The following ASCC3 variants were observed in gnomAD, a reference collection of about 807,000 sequenced individuals.
ASCC3 encodes activating signal cointegrator 1 complex subunit 3.
A neutral mutation model predicts 256.3 loss-of-function variants in ASCC3; 158 were observed. The ratio of observed to expected loss-of-function variants is 0.62; its 90% confidence interval spans 0.54 to 0.70. The LOEUF (loss-of-function observed/expected upper bound fraction) is 0.70, where lower values mean the gene tolerates loss of function less well. Among genes scored for constraint, ASCC3 ranks in the 30% least tolerant of loss-of-function variants. ASCC3 has a pLI of 0.00. For missense variants in ASCC3, 2,259 were observed against 2,626.0 expected (o/e 0.86, Z 3.05); for synonymous variants, 948 against 883.4 (o/e 1.07, Z -1.30).
chr6:100,828,902 A>T (rs542562907), intron 4 of ASCC3, among the ~76,000 whole-genome samples: 1 of 152,022 alleles, frequency 6.6e-6, no homozygotes, highest in Admixed American at 6.5e-5. Flanking sequence ...ATCTGGCCCC[A>T]CCCACATCCT....
chr6:100,655,691 T>C lies in ASCC3; in HGVS notation c.2823+8A>G, dbSNP rs1775882305. Reference sequence around the variant, plus strand: ...CTGAATTTTTTTTTTAATAAATGAGTTTTCTACCTGATAAGCCTTGTGACT... The same window carrying C: ...CTGAATTTTTTTTTTAATAAATGAGCTTTCTACCTGATAAGCCTTGTGACT... On this transcript the variant is annotated splice_region_variant and intron_variant, in intron 17 of 41. Coordinates refer to ENST00000369162, the MANE Select transcript of ASCC3 (RefSeq NM_006828.4). 1.2e-6 allele frequency: 2 copies of C among 1,608,408 alleles called. No homozygotes were observed. The highest frequency in any genetic ancestry group is 1.7e-6 in the Non-Finnish European group (2 of 1,178,572).
intron 10 of ASCC3, among the ~76,000 whole-genome samples, chr6:100,758,328 T>C (rs1247452243): frequency 2.0e-5 from 3 of 152,070 alleles, no homozygotes; most frequent in Non-Finnish European, 4.4e-5. Flanking sequence ...GCCACGGTGG[T>C]TTCCTGCACC....
chr6:100,588,900 T>C (rs1383352292), intron 36 of ASCC3, among the ~76,000 whole-genome samples: 1 of 152,100 alleles, frequency 6.6e-6, no homozygotes, highest in Non-Finnish European at 1.5e-5. Flanking sequence ...TTCTTAACTT[T>C]TCTAAAAAGC....
intron 13 of ASCC3, among the ~76,000 whole-genome samples, chr6:100,686,334 G>A (rs1582695832): frequency 6.6e-6 from 1 of 152,190 alleles, no homozygotes; most frequent in South Asian, 2.1e-4. Flanking sequence ...AAATTAGAAA[G>A]TATAAAAATG....
In ASCC3 at chr6:100,858,258, A is replaced by G. The variant is rs577684798; in HGVS notation, c.241+5806T>C. On this transcript the variant is annotated intron_variant, in intron 3 of 41. Coordinates refer to ENST00000369162, the MANE Select transcript of ASCC3 (RefSeq NM_006828.4). ...ATTAACCTTGTTAAATTCATTTTCT[A>G]CAGGTACAGTCATGTGAAAAATGGA... 9 of 549,906 alleles carry G rather than the reference A, an allele frequency of 1.6e-5. No individual in the cohort carries two copies. The African/African-American group carries it at 1.8e-4, about 11-fold the overall frequency. 34.1% of individuals were successfully genotyped at this position (549,906 alleles called of 1,614,324 possible).
chr6:100,848,294 T>C lies in ASCC3; in HGVS notation c.655A>G (p.Asn219Asp). 2 of 1,614,108 alleles carry C rather than the reference T, an allele frequency of 1.2e-6. No homozygotes were observed. The highest frequency in any genetic ancestry group is 1.7e-6 in the Non-Finnish European group (2 of 1,180,010). ...TPELKPVEKT[N>D]GSFLWCEVEK... Reference sequence around the variant, plus strand: ...ACTTCACACCACAAAAAGGAGCCATTTGTTTTTTCCACAGGCTTGAGTTCT... The same window carrying C: ...ACTTCACACCACAAAAAGGAGCCATCTGTTTTTTCCACAGGCTTGAGTTCT... Residue 219 changes from asparagine (N) to aspartate (D), a missense_variant, in exon 4 of 42, where the codon AAT (asparagine) becomes GAT (aspartate). This residue lies in a region of ASCC3 where 420 missense variants were observed against 419.3 expected (regional missense o/e 1.00). Transcript: ENST00000369162.
intron 37 of ASCC3, among the ~76,000 whole-genome samples, chr6:100,526,813 T>C (rs1268387787): frequency 1.3e-5 from 2 of 152,206 alleles, no homozygotes; most frequent in African/African-American, 4.8e-5. Flanking sequence ...CAGGTTTTTA[T>C]GGCAGAATAT....
chr6:100,762,325 G>A (rs1332187810), intron 10 of ASCC3, among the ~76,000 whole-genome samples: 4 of 152,146 alleles, frequency 2.6e-5, no homozygotes, highest in African/African-American at 9.7e-5. Context: ...CACAGTTACT[G>A]CCAGGACAGG....
At chr6:100,725,102 T>C (rs558355021) in intron 11 of ASCC3, among the ~76,000 whole-genome samples, 3 of 151,910 alleles carry the variant, frequency 2.0e-5, no homozygotes, top group Non-Finnish European at 2.9e-5. Flanking sequence ...CTTAGCTATT[T>C]CAGAAGAAAA....
intron 36 of ASCC3, among the ~76,000 whole-genome samples, chr6:100,567,409 C>T (rs1364415746): frequency 6.6e-6 from 1 of 151,924 alleles, no homozygotes; most frequent in Non-Finnish European, 1.5e-5. Flanking sequence ...ATAGATGTAC[C>T]TTAATTTTAA....
rs1782318939 is a variant in ASCC3, at chr6:100,778,890, G to A, written c.1396-11545C>T. On this transcript the variant is annotated intron_variant, in intron 8 of 41. Coordinates refer to ENST00000369162, the MANE Select transcript of ASCC3 (RefSeq NM_006828.4). ...TTGGCTATTCAATAAATATGAAATT[G>A]AACTAAAAGTTAAGTTTAATATATT... 2.6e-5 allele frequency among the ~76,000 whole-genome samples: 4 copies of A among 152,016 alleles called. No homozygotes were observed. In the South Asian group the frequency reaches 8.3e-4, roughly 32 times the overall value.
At chr6:100,567,395 T>C (rs1402916131) in intron 36 of ASCC3, among the ~76,000 whole-genome samples, 2 of 152,176 alleles carry the variant, frequency 1.3e-5, no homozygotes, top group African/African-American at 2.4e-5. Context: ...CAGTATTTCA[T>C]TGCATAGATG....
intron 13 of ASCC3, among the ~76,000 whole-genome samples, chr6:100,694,143 T>G (rs1050309750): frequency 6.6e-6 from 1 of 151,746 alleles, no homozygotes; most frequent in African/African-American, 2.4e-5. Context: ...AATAATATTT[T>G]TGGGAAAAAA....
intron 34 of ASCC3, among the ~76,000 whole-genome samples, chr6:100,597,809 GAA>G (rs369974362): frequency 6.8e-5 from 6 of 88,586 alleles, no homozygotes; most frequent in African/African-American, 9.2e-5. Context: ...CGTCTCTACT[GAA>G]AAAAAAAAAA....
At chr6:100,724,956 A>G (rs994752409) in intron 11 of ASCC3, among the ~76,000 whole-genome samples, 1 of 152,002 alleles carries the variant, frequency 6.6e-6, no homozygotes, top group Non-Finnish European at 1.5e-5. Flanking sequence ...ATCTCCAGCA[A>G]TATTTCCCAC....
chr6:100,597,757 G>T (rs1772373423), intron 34 of ASCC3, among the ~76,000 whole-genome samples: 1 of 147,682 alleles, frequency 6.8e-6, no homozygotes, highest in Admixed American at 6.9e-5. Context: ...CGGTTCACGA[G>T]GTCAGAAGAT....
chr6:100,606,462 C>A (rs976698296), intron 32 of ASCC3, among the ~76,000 whole-genome samples: 5 of 152,064 alleles, frequency 3.3e-5, no homozygotes, highest in African/African-American at 4.8e-5. Context: ...GTACTTTTAT[C>A]TATTTATAAA....
At chr6:100,539,036 T>C (rs780845716) in intron 37 of ASCC3, among the ~76,000 whole-genome samples, 4 of 152,122 alleles carry the variant, frequency 2.6e-5, no homozygotes, top group Non-Finnish European at 5.9e-5. Context: ...AGCCTTGAAA[T>C]AATCTTTGGT....
At chr6:100,775,288 C>T (rs1330067139) in intron 8 of ASCC3, among the ~76,000 whole-genome samples, 1 of 151,772 alleles carries the variant, frequency 6.6e-6, no homozygotes, top group Non-Finnish European at 1.5e-5. Context: ...AATAAGAAGG[C>T]TTAGATTTAA....
Sources: gnomAD v4.1 joint callset for allele counts (sites outside exome capture counted in the v4.1 genomes callset) on GRCh38, gnomAD v4.1.1 for gene constraint, gnomAD v4.1.1 regional missense constraint, MANE v1.5 for transcripts, NCBI Gene and HGNC (gene_info 2026-07-23, HGNC 2026-07-21) for gene names.